Variants in DDAH1 observed in about 807,000 individuals in gnomAD.
The protein encoded by DDAH1 is dimethylarginine dimethylaminohydrolase 1, also known as N(G),N(G)-dimethylarginine dimethylaminohydrolase 1.
Under a neutral mutation model 28.8 loss-of-function variants are expected in DDAH1, and 19 were observed. The ratio of observed to expected loss-of-function variants is 0.66; its 90% CI spans 0.46 to 0.97. DDAH1 has a LOEUF of 0.97. Among genes scored for constraint, DDAH1 ranks in the 50% least tolerant of loss-of-function variants. The pLI is 0.00. For missense variants in DDAH1, 326 were observed against 375.9 expected, an observed-to-expected ratio of 0.87 and a Z score of 1.10; for synonymous variants, 153 against 154.4, an observed-to-expected ratio of 0.99 and a Z score of 0.07.
intron 1 of DDAH1, among the ~76,000 whole-genome samples, chr1:85,497,050 C>A (rs1656619967): frequency 6.6e-6 from 1 of 152,094 alleles, no homozygotes; most frequent in East Asian, 1.9e-4. Context: ...AATTCTTATA[C>A]CAGAAATGTT....
chr1:85,321,216 G>A lies in DDAH1; in HGVS notation c.*236C>T. On this transcript the variant is annotated 3_prime_UTR_variant, in exon 6 of 6. Transcript: ENST00000284031. ...TTAATCACATTTTGATAATTCATTA[G>A]CTCTGTATCTTCTAGGTTGCTTAAT... The A allele has an allele frequency of 2.2e-6, 1 of 450,740 alleles. No homozygotes were observed. Among genetic ancestry groups the A allele is most frequent in the Non-Finnish European group, 4.0e-6 (1 of 249,788 alleles). The allele number at this position is 450,740 out of a possible 1,614,324, so 27.9% of individuals were successfully genotyped here.
intron 1 of DDAH1, among the ~76,000 whole-genome samples, chr1:85,513,203 T>C (rs541345704): frequency 1.3e-5 from 2 of 152,260 alleles, no homozygotes; most frequent in East Asian, 3.9e-4. Flanking sequence ...ACCACACGTC[T>C]ACAACCATCT....
chr1:85,383,141 T>C (rs1167308756), intron 1 of DDAH1, among the ~76,000 whole-genome samples: 2 of 152,220 alleles, frequency 1.3e-5, no homozygotes, highest in African/African-American at 4.8e-5. Flanking sequence ...ATTCCTCTGA[T>C]GAATCTGGGC....
intron 4 of DDAH1, among the ~76,000 whole-genome samples, chr1:85,335,968 GAAATA>G (rs139704444): frequency 0.18 from 26,456 of 143,616 alleles, 2,731 homozygotes; most frequent in Middle Eastern, 0.26. Context: ...TCTCTAAAAT[GAAATA>G]AAATAAAATA....
chr1:85,550,130 T>C (rs1316928351), intron 1 of DDAH1, among the ~76,000 whole-genome samples: 1 of 152,216 alleles, frequency 6.6e-6, no homozygotes, highest in Non-Finnish European at 1.5e-5. Context: ...TATTTACATA[T>C]TCTATATTTT....
At chr1:85,550,470 G>A (rs953712485) in intron 1 of DDAH1, among the ~76,000 whole-genome samples, 16 of 152,238 alleles carry the variant, frequency 1.1e-4, no homozygotes, top group South Asian at 2.1e-4. Flanking sequence ...AGGGAGCTCC[G>A]TCCTTAAAGG....
chr1:85,395,533 G>A (rs1293835875), intron 1 of DDAH1, among the ~76,000 whole-genome samples: 1 of 152,020 alleles, frequency 6.6e-6, no homozygotes, highest in Non-Finnish European at 1.5e-5. Flanking sequence ...TCAGCTGGGC[G>A]TGGTGGTGCA....
chr1:85,393,297 T>C (rs931380494), intron 1 of DDAH1, among the ~76,000 whole-genome samples: 16 of 152,186 alleles, frequency 1.1e-4, no homozygotes, highest in African/African-American at 3.9e-4. Context: ...TAAACTCCAC[T>C]TGTGGGGACA....
chr1:85,481,272 A>G (rs540244212), intron 2 of DDAH1, among the ~76,000 whole-genome samples: 53 of 151,638 alleles, frequency 3.5e-4, no homozygotes, highest in African/African-American at 1.2e-3. Context: ...TACTTTTTGT[A>G]TTTTTAGTAC....
intron 4 of DDAH1, among the ~76,000 whole-genome samples, chr1:85,348,771 T>TTTGA (rs1451500705): frequency 2.0e-5 from 3 of 152,234 alleles, no homozygotes; most frequent in Non-Finnish European, 2.9e-5. Flanking sequence ...ATTAGTCATA[T>TTTGA]TTGATTACCT....
intron 1 of DDAH1, among the ~76,000 whole-genome samples, chr1:85,359,290 T>C (rs1649661256): frequency 1.3e-5 from 2 of 152,116 alleles, no homozygotes; most frequent in Admixed American, 1.3e-4. Flanking sequence ...AGCACACTAT[T>C]GGAGGCTAAC....
intron 1 of DDAH1, among the ~76,000 whole-genome samples, chr1:85,396,867 G>A (rs771977620): frequency 1.3e-5 from 2 of 151,658 alleles, no homozygotes; most frequent in Non-Finnish European, 2.9e-5. Context: ...AAACCCTATT[G>A]CTATAAGAAA....
At chr1:85,477,181 G>A (rs576706349) in intron 2 of DDAH1, among the ~76,000 whole-genome samples, 2 of 152,306 alleles carry the variant, frequency 1.3e-5, no homozygotes, top group South Asian at 4.2e-4. Flanking sequence ...CACAAGGTGG[G>A]AGGGAATTTA....
At chr1:85,394,811 ATCT>A (rs142505475) in intron 1 of DDAH1, among the ~76,000 whole-genome samples, 19,812 of 152,190 alleles carry the variant, frequency 0.13, 1,556 homozygotes, top group South Asian at 0.29. Context: ...AAGTAACATA[ATCT>A]TAAAGTCATA....
intron 1 of DDAH1, among the ~76,000 whole-genome samples, chr1:85,544,565 A>G (rs11161636): frequency 0.52 from 78,548 of 151,964 alleles, 21,958 homozygotes; most frequent in Non-Finnish European, 0.62. Context: ...TCAGACACCC[A>G]GAAGGCTTCT....
chr1:85,379,988 G>C (rs1650893913), intron 1 of DDAH1, among the ~76,000 whole-genome samples: 1 of 152,128 alleles, frequency 6.6e-6, no homozygotes, highest in Admixed American at 6.5e-5. Context: ...TCACACACTG[G>C]AGCCAGAGTA....
chr1:85,501,985 T>C (rs1307663536), intron 1 of DDAH1, among the ~76,000 whole-genome samples: 1 of 152,222 alleles, frequency 6.6e-6, no homozygotes, highest in Non-Finnish European at 1.5e-5. Flanking sequence ...CCTTTAACCA[T>C]GCTTCCCATG....
At chr1:85,377,947 C>T (rs556370035) in intron 1 of DDAH1, among the ~76,000 whole-genome samples, 1 of 152,052 alleles carries the variant, frequency 6.6e-6, no homozygotes, top group African/African-American at 2.4e-5. Flanking sequence ...GTATATATAA[C>T]GTGAGCATAA....
At chr1:85,438,685 C>T (rs540051963) in intron 1 of DDAH1, among the ~76,000 whole-genome samples, 1 of 152,278 alleles carries the variant, frequency 6.6e-6, no homozygotes, top group African/African-American at 2.4e-5. Flanking sequence ...TAAATGCTGC[C>T]ATTGCTTTAA....
Sources: gnomAD v4.1 joint callset for allele counts (sites outside exome capture counted in the v4.1 genomes callset) on GRCh38, gnomAD v4.1.1 for gene constraint, MANE v1.5 for transcripts, NCBI Gene and HGNC (gene_info 2026-07-23, HGNC 2026-07-21) for gene names.